NDUFA12: variants seen among roughly 807,000 people sequenced by gnomAD.
NDUFA12 encodes NADH dehydrogenase [ubiquinone] 1 alpha subcomplex subunit 12.
NDUFA12 carries 17 observed loss-of-function variants against 20.3 expected under a neutral mutation model. That is an observed-to-expected ratio of 0.84 (90% CI 0.57 to 1.26). NDUFA12 has a LOEUF of 1.26. Among genes scored for constraint, NDUFA12 ranks in the 50% most tolerant of loss-of-function variants. The probability of loss-of-function intolerance (pLI) is 0.00; values close to 1 mark genes in which losing one functional copy is unlikely to be tolerated. For synonymous variants in NDUFA12, 72 were observed against 63.6 expected (o/e 1.13, Z -0.63); for missense variants, 191 against 183.7 (o/e 1.04, Z -0.23).
intron 3 of NDUFA12, among the ~76,000 whole-genome samples, chr12:94,981,097 CAA>C (rs766175402): frequency 6.6e-6 from 1 of 150,922 alleles, no homozygotes; most frequent in Non-Finnish European, 1.5e-5. Flanking sequence ...AAAATAAAGA[CAA>C]GAACAAGAGA....
chr12:94,979,835 CA>C (rs35821688), intron 3 of NDUFA12, among the ~76,000 whole-genome samples: 264 of 137,046 alleles, frequency 1.9e-3, no homozygotes, highest in Admixed American at 2.0e-3. Flanking sequence ...GACCCTGTCT[CA>C]AAAAAAAAAA....
chr12:94,993,390 C>T (rs1291433993), intron 3 of NDUFA12, among the ~76,000 whole-genome samples: 4 of 148,360 alleles, frequency 2.7e-5, no homozygotes, highest in Non-Finnish European at 1.5e-5. Flanking sequence ...TTTGAGAGGC[C>T]GAGGCGGGTG....
rs754215054 is a variant in NDUFA12, at chr12:95,002,801, C to G, written c.107G>C (p.Gly36Ala). Residue 36 changes from glycine (G) to alanine (A), a missense_variant, in exon 2 of 4, where the codon GGT becomes GCT. Coordinates refer to ENST00000327772, the MANE Select transcript of NDUFA12 (RefSeq NM_018838.5). The stretch of plus-strand genomic sequence containing the variant: ...ATATTTGTCTTCCCCCACTAATGTA[C>G]CAACCTTCGCATCATTTGTCCTGTG... ...VFFRTNDAKV[G>A]TLVGEDKYGN... is the part of the protein sequence containing the mutation. 2.5e-6 allele frequency: 4 copies of G among 1,613,780 alleles called. No individual in the cohort carries two copies. In the Admixed American group the frequency reaches 5.0e-5, roughly 20 times the overall value.
chr12:94,981,407 C>T (rs1408666887), intron 3 of NDUFA12, among the ~76,000 whole-genome samples: 1 of 152,158 alleles, frequency 6.6e-6, no homozygotes, highest in African/African-American at 2.4e-5. Context: ...AAGATCGCAC[C>T]ACTGAACTCC....
At chr12:95,000,478 A>C (rs11829773) in intron 2 of NDUFA12, among the ~76,000 whole-genome samples, 18,978 of 152,254 alleles carry the variant, frequency 0.12, 1,925 homozygotes, top group African/African-American at 0.28. Context: ...AATGAATAGA[A>C]TTATCTGCCC....
rs141822850 is a variant in NDUFA12 at position 94,999,507 on chromosome 12, C to T, written c.169+3232G>A. ...CTAATTAAACTAAAAAGCTTCTGTTCAGCAAAAGAAATAATCAGCAGAGTA... is the reference window on the plus strand; with the variant it reads ...CTAATTAAACTAAAAAGCTTCTGTTTAGCAAAAGAAATAATCAGCAGAGTA... On this transcript the variant is annotated intron_variant, in intron 2 of 3. Coordinates refer to ENST00000327772, the MANE Select transcript of NDUFA12 (RefSeq NM_018838.5). Among the ~76,000 whole-genome samples the T allele has an allele frequency of 6.8e-4, 103 of 152,250 alleles. No homozygotes were observed. In the East Asian group the frequency reaches 7.1e-3, roughly 11 times the overall value.
chr12:95,002,763 A>G lies in NDUFA12; in HGVS notation c.145T>C (p.Tyr49His). 6.2e-7 allele frequency: 1 copy of G among 1,614,046 alleles called. No homozygotes were observed. Among genetic ancestry groups the G allele is most frequent in the Non-Finnish European group, 8.5e-7 (1 of 1,179,924 alleles). The change falls in exon 2 of 4, where the codon TAT becomes CAT. Residue 49 changes from tyrosine to histidine, a missense_variant. Transcript: ENST00000327772. Reference protein sequence around the residue: ...VGEDKYGNKYYEDNKQFFGRH... With the variant: ...VGEDKYGNKYHEDNKQFFGRH... Reference sequence around the variant, plus strand: ...CCAAAAAATTGCTTGTTGTCTTCATAGTATTTGTTTCCATATTTGTCTTCC... The same window carrying G: ...CCAAAAAATTGCTTGTTGTCTTCATGGTATTTGTTTCCATATTTGTCTTCC...
chr12:94,980,751 GCCA>G (rs1441181049), intron 3 of NDUFA12, among the ~76,000 whole-genome samples: 1 of 151,750 alleles, frequency 6.6e-6, no homozygotes, highest in Non-Finnish European at 1.5e-5. Context: ...AACAGAAAGT[GCCA>G]CCAAGTGGGA....
At chr12:94,984,406 T>C (rs979216203) in intron 3 of NDUFA12, among the ~76,000 whole-genome samples, 29 of 151,956 alleles carry the variant, frequency 1.9e-4, no homozygotes, top group Non-Finnish European at 2.5e-4. Flanking sequence ...GTGAATCACC[T>C]GAGGTTGGGA....
In NDUFA12 at chr12:94,975,026, T is replaced by C. The variant is rs190039842; in HGVS notation, c.258-3406A>G. The stretch of plus-strand genomic sequence containing the variant: ...AACTAAAAGAGTATAATTGGATTGT[T>C]TGTAACACAAAGGACAAATGCTTGA... On this transcript the variant is annotated intron_variant, in intron 3 of 3. Transcript: ENST00000327772. Among the ~76,000 whole-genome samples the C allele has an allele frequency of 4.5e-3, 683 of 152,332 alleles. 6 individuals carry two copies. Among genetic ancestry groups the C allele is most frequent in the Middle Eastern group, 0.044 (13 of 294 alleles).
intron 3 of NDUFA12, 77 bp downstream of exon 3, chr12:94,994,093 C>T: frequency 7.5e-7 from 1 of 1,328,786 alleles, no homozygotes; most frequent in Non-Finnish European, 1.1e-6. Context: ...CACTGCACTC[C>T]AGCCTGGGTG....
chr12:94,978,059 C>A (rs1219643392), intron 3 of NDUFA12, among the ~76,000 whole-genome samples: 3 of 152,100 alleles, frequency 2.0e-5, no homozygotes, highest in Non-Finnish European at 4.4e-5. Flanking sequence ...CCAATGTGGC[C>A]AAGTCAGAGT....
At chr12:94,984,883 C>T (rs1037635225) in intron 3 of NDUFA12, among the ~76,000 whole-genome samples, 2 of 151,080 alleles carry the variant, frequency 1.3e-5, no homozygotes, top group East Asian at 1.9e-4. Flanking sequence ...GCGGCTGAGG[C>T]AGGAGAATTG....
chr12:95,002,848 A>T, intron 1 of NDUFA12, 27 bp from the exon 2 acceptor site: 1 of 1,569,872 alleles, frequency 6.4e-7, no homozygotes, highest in Non-Finnish European at 8.8e-7. Flanking sequence ...GAAAACAGAC[A>T]TTTTAGAATG....
chr12:94,987,484 T>C (rs1404810022), intron 3 of NDUFA12, among the ~76,000 whole-genome samples: 1 of 152,158 alleles, frequency 6.6e-6, no homozygotes, highest in Non-Finnish European at 1.5e-5. Context: ...ATATGGACTA[T>C]GCTGAGTTAA....
intron 3 of NDUFA12, among the ~76,000 whole-genome samples, chr12:94,983,592 G>A (rs4923648): frequency 0.87 from 132,322 of 152,182 alleles, 57,631 homozygotes; most frequent in Admixed American, 0.9. Flanking sequence ...CCTGAGCCTG[G>A]GGCACCCAGC....
At chr12:94,985,757 G>C (rs148165814) in intron 3 of NDUFA12, among the ~76,000 whole-genome samples, 141 of 151,146 alleles carry the variant, frequency 9.3e-4, no homozygotes, top group African/African-American at 3.4e-3. Context: ...AACCAGATCA[G>C]ACTGTGCAAC....
chr12:94,979,606 G>A (rs1463888240), intron 3 of NDUFA12, among the ~76,000 whole-genome samples: 5 of 151,932 alleles, frequency 3.3e-5, no homozygotes, highest in Admixed American at 6.6e-5. Flanking sequence ...TGAGGCAGGC[G>A]GATCACATGA....
intron 3 of NDUFA12, among the ~76,000 whole-genome samples, chr12:94,973,938 G>A (rs1364496192): frequency 6.8e-6 from 1 of 147,868 alleles, no homozygotes; most frequent in Non-Finnish European, 1.5e-5. Flanking sequence ...CCACACCAGA[G>A]AGTTTTACTT....
Sources: allele counts gnomAD v4.1 joint callset (sites outside exome capture counted in the v4.1 genomes callset), GRCh38; gene constraint gnomAD v4.1.1; transcripts MANE v1.5; gene names NCBI Gene and HGNC (gene_info 2026-07-23, HGNC 2026-07-21).